EPHA7: variants seen among roughly 807,000 people sequenced by gnomAD.
EPHA7 encodes EPH receptor A7.
Under a neutral mutation model 112.6 loss-of-function variants are expected in EPHA7, and 25 were observed. The ratio of observed to expected loss-of-function variants is 0.22; its 90% CI spans 0.16 to 0.31. The LOEUF (loss-of-function observed/expected upper bound fraction) is 0.31, where lower values mean the gene tolerates loss of function less well. Among genes scored for constraint, EPHA7 ranks in the 10% least tolerant of loss-of-function variants. EPHA7 has a pLI of 1.00. For missense variants in EPHA7, 962 were observed against 1,212.6 expected, an observed-to-expected ratio of 0.79 and a Z score of 3.07; for synonymous variants, 437 against 406.5, an observed-to-expected ratio of 1.07 and a Z score of -0.90.
chr6:93,254,640 C>T lies in EPHA7; in HGVS notation c.2532+7G>A, dbSNP rs768976136. ...ATCCTTTTTGTTTAAATGAATGTAA[C>T]ACCTACATCTTGATTTGACATGTCC... On this transcript the variant is annotated splice_region_variant and intron_variant, in intron 14 of 16. Coordinates refer to ENST00000369303, the MANE Select transcript of EPHA7 (RefSeq NM_004440.4). 5 of 1,609,320 alleles carry T rather than the reference C, an allele frequency of 3.1e-6. No homozygotes were observed. Among genetic ancestry groups the T allele is most frequent in the Non-Finnish European group, 1.7e-6 (2 of 1,176,944 alleles).
Position 93,241,225 on chromosome 6 carries a change from C to T in EPHA7, c.*2201G>A, listed in dbSNP as rs1769675309. On this transcript the variant is annotated 3_prime_UTR_variant, in exon 17 of 17. Transcript: ENST00000369303. ...TTAATTTTAATAGAAAAAATAAGCA[C>T]CTTAAGCTATGAACAAGAAAAGAAC... The T allele has an allele frequency of 9.2e-6, 2 of 217,254 alleles. No homozygotes were observed. Among genetic ancestry groups the T allele is most frequent in the Non-Finnish European group, 9.3e-6 (1 of 108,024 alleles). 13.5% of individuals were successfully genotyped at this position (217,254 alleles called of 1,614,324 possible). A position where few individuals can be genotyped will look rare whatever the true frequency, so the allele number is the denominator to read the frequency against.
chr6:93,326,245 C>A (rs1344762186), intron 5 of EPHA7, among the ~76,000 whole-genome samples: 1 of 151,316 alleles, frequency 6.6e-6, no homozygotes, highest in Non-Finnish European at 1.5e-5. Flanking sequence ...GAATATCCAG[C>A]CCTCAGCAAA....
intron 5 of EPHA7, among the ~76,000 whole-genome samples, chr6:93,295,447 C>G (rs545088909): frequency 1.3e-5 from 2 of 151,536 alleles, no homozygotes; most frequent in African/African-American, 4.8e-5. Flanking sequence ...GATTGCTTGT[C>G]TCTGTCTTAC....
At chr6:93,316,115 C>A (rs1350360386) in intron 5 of EPHA7, among the ~76,000 whole-genome samples, 1 of 152,098 alleles carries the variant, frequency 6.6e-6, no homozygotes, top group Non-Finnish European at 1.5e-5. Context: ...GAAGGGCCTG[C>A]ACTGCTGTAG....
At chr6:93,338,860 T>C (rs1180716596) in intron 5 of EPHA7, among the ~76,000 whole-genome samples, 2 of 150,962 alleles carry the variant, frequency 1.3e-5, no homozygotes, top group Non-Finnish European at 3.0e-5. Flanking sequence ...AAATCATATG[T>C]ATTATATATT....
chr6:93,325,209 A>C (rs1014236306), intron 5 of EPHA7, among the ~76,000 whole-genome samples: 1 of 151,416 alleles, frequency 6.6e-6, no homozygotes, highest in Admixed American at 6.6e-5. Flanking sequence ...CCTAAATTCA[A>C]AGGACACAAT....
chr6:93,281,058 T>A (rs115092494), intron 5 of EPHA7, among the ~76,000 whole-genome samples: 178 of 152,290 alleles, frequency 1.2e-3, no homozygotes, highest in African/African-American at 4.1e-3. Context: ...GCTGGCAATG[T>A]TAGATTTTTG....
intron 3 of EPHA7, among the ~76,000 whole-genome samples, chr6:93,376,253 C>T (rs570660962): frequency 2.6e-4 from 39 of 152,214 alleles, no homozygotes; most frequent in African/African-American, 9.4e-4. Context: ...AGTTCTCCCA[C>T]CTCAGCCTCC....
At chr6:93,373,130 T>A (rs963952844) in intron 3 of EPHA7, among the ~76,000 whole-genome samples, 1 of 151,998 alleles carries the variant, frequency 6.6e-6, no homozygotes, top group Non-Finnish European at 1.5e-5. Context: ...TATTTGTATT[T>A]TGACATATAG....
At chr6:93,280,348 G>T (rs908865883) in intron 5 of EPHA7, among the ~76,000 whole-genome samples, 21 of 152,168 alleles carry the variant, frequency 1.4e-4, no homozygotes, top group Non-Finnish European at 4.4e-5. Context: ...TAATCTGCAA[G>T]TGATAACTTT....
At chr6:93,394,096 C>A (rs2127983359) in intron 3 of EPHA7, among the ~76,000 whole-genome samples, 1 of 151,778 alleles carries the variant, frequency 6.6e-6, no homozygotes, top group South Asian at 2.1e-4. Flanking sequence ...TATTGCAATT[C>A]TAAAGATTTG....
intron 5 of EPHA7, among the ~76,000 whole-genome samples, chr6:93,300,102 C>A (rs996346419): frequency 2.6e-5 from 4 of 152,132 alleles, no homozygotes; most frequent in African/African-American, 9.7e-5. Flanking sequence ...CATAACAAAC[C>A]TGCGCATGTA....
intron 3 of EPHA7, among the ~76,000 whole-genome samples, chr6:93,384,124 T>C (rs1777483993): frequency 6.6e-6 from 1 of 152,186 alleles, no homozygotes; most frequent in Non-Finnish European, 1.5e-5. Flanking sequence ...GAAGTGAATT[T>C]GGCTTAAAAA....
intron 3 of EPHA7, among the ~76,000 whole-genome samples, chr6:93,362,327 A>C (rs1298942949): frequency 6.6e-6 from 1 of 152,090 alleles, no homozygotes; most frequent in African/African-American, 2.4e-5. Flanking sequence ...ATTAAGTCAT[A>C]AGATCTGCTA....
At chr6:93,316,498 A>C (rs886931076) in intron 5 of EPHA7, among the ~76,000 whole-genome samples, 16 of 152,136 alleles carry the variant, frequency 1.1e-4, no homozygotes, top group African/African-American at 3.9e-4. Flanking sequence ...TACATACTGC[A>C]ATTATAGAAT....
chr6:93,408,970 CT>C (rs1373766832), intron 3 of EPHA7, among the ~76,000 whole-genome samples: 5 of 150,936 alleles, frequency 3.3e-5, no homozygotes, highest in East Asian at 2.0e-4. Context: ...ACATATGTTA[CT>C]TTTTTTTCTT....
At chr6:93,292,322 G>C (rs1358146620) in intron 5 of EPHA7, among the ~76,000 whole-genome samples, 1 of 152,080 alleles carries the variant, frequency 6.6e-6, no homozygotes, top group African/African-American at 2.4e-5. Context: ...AAATACAAAA[G>C]TATTCACATC....
At chr6:93,390,420 A>AT (rs1187750430) in intron 3 of EPHA7, among the ~76,000 whole-genome samples, 6 of 151,844 alleles carry the variant, frequency 4.0e-5, no homozygotes, top group East Asian at 1.9e-4. Flanking sequence ...ATTAAGATAA[A>AT]TTTTAAAATA....
chr6:93,331,665 C>T (rs542663805), intron 5 of EPHA7, among the ~76,000 whole-genome samples: 61 of 151,686 alleles, frequency 4.0e-4, no homozygotes, highest in Non-Finnish European at 7.4e-4. Flanking sequence ...ATGAAATATA[C>T]AAACAATTGA....
Sources: allele counts gnomAD v4.1 joint callset (sites outside exome capture counted in the v4.1 genomes callset), GRCh38; gene constraint gnomAD v4.1.1; transcripts MANE v1.5; gene names NCBI Gene and HGNC (gene_info 2026-07-23, HGNC 2026-07-21).